ST3GAL3: variants seen among roughly 807,000 people sequenced by gnomAD.
ST3GAL3 encodes CMP-N-acetylneuraminate-beta-1,4-galactoside alpha-2,3-sialyltransferase.
In ST3GAL3, 21 loss-of-function variants were observed where a neutral mutation model predicts 50.1. The observed-to-expected ratio is 0.42, with a 90% confidence interval of 0.30 to 0.60. The LOEUF (loss-of-function observed/expected upper bound fraction) is 0.60. Among genes scored for constraint, ST3GAL3 ranks in the 20% least tolerant of loss-of-function variants. ST3GAL3 has a pLI of 0.19. For synonymous variants in ST3GAL3, 183 were observed against 190.0 expected (o/e 0.96, Z 0.30); for missense variants, 353 against 489.4 (o/e 0.72, Z 2.63).
chr1:43,851,694 G>C lies in ST3GAL3; in HGVS notation c.302+13383G>C. ...AGCATCTTGTCATGTGAGGACCACA[G>C]GTCAGCATCCTTGTGGGCCCTGTTG... On this transcript the variant is annotated intron_variant, in intron 5 of 11. Coordinates refer to ENST00000347631, the MANE Select transcript of ST3GAL3 (RefSeq NM_006279.5). 4 of 1,321,120 alleles carry C rather than the reference G, an allele frequency of 3.0e-6. No homozygotes were observed. The South Asian group carries it at 4.9e-5, about 16-fold the overall frequency. 81.8% of individuals were successfully genotyped at this position (1,321,120 alleles called of 1,614,324 possible).
intron 2 of ST3GAL3, among the ~76,000 whole-genome samples, chr1:43,770,331 A>C (rs750226857): frequency 3.9e-5 from 6 of 151,918 alleles, no homozygotes; most frequent in Non-Finnish European, 8.8e-5. Flanking sequence ...GACGGGCCTC[A>C]AGTTTTTAGC....
intron 2 of ST3GAL3, among the ~76,000 whole-genome samples, chr1:43,781,575 C>T (rs1226507816): frequency 2.0e-5 from 3 of 150,050 alleles, no homozygotes; most frequent in Admixed American, 6.6e-5. Flanking sequence ...CACGACACTG[C>T]ACTCCAGCCT....
chr1:43,756,867 G>A (rs1373763534), intron 2 of ST3GAL3, among the ~76,000 whole-genome samples: 1 of 152,132 alleles, frequency 6.6e-6, no homozygotes. Context: ...ATGTTCATGG[G>A]TCAGAAGACC....
At chr1:43,818,422 C>G (rs2061679593) in intron 4 of ST3GAL3, among the ~76,000 whole-genome samples, 1 of 152,158 alleles carries the variant, frequency 6.6e-6, no homozygotes, top group South Asian at 2.1e-4. Context: ...TTAAGGTATT[C>G]CAGACTGGCA....
At chr1:43,799,321 CTTATT>C (rs1190718961) in intron 3 of ST3GAL3, among the ~76,000 whole-genome samples, 4 of 152,100 alleles carry the variant, frequency 2.6e-5, no homozygotes, top group African/African-American at 4.8e-5. Context: ...AGAGCTCTCT[CTTATT>C]TTGTTTAATA....
chr1:43,824,281 C>T (rs945367172), intron 4 of ST3GAL3, among the ~76,000 whole-genome samples: 15 of 151,898 alleles, frequency 9.9e-5, no homozygotes, highest in African/African-American at 3.6e-4. Context: ...CTGACTTTCC[C>T]CATCTCCTGG....
chr1:43,905,912 C>T (rs2079445858), intron 9 of ST3GAL3, among the ~76,000 whole-genome samples: 1 of 124,530 alleles, frequency 8.0e-6, no homozygotes, highest in Non-Finnish European at 1.7e-5. Context: ...TCCTCCTGTT[C>T]CTCTTCCCAC....
At chr1:43,759,858 C>T (rs777161149) in intron 2 of ST3GAL3, among the ~76,000 whole-genome samples, 7 of 152,104 alleles carry the variant, frequency 4.6e-5, no homozygotes, top group African/African-American at 1.2e-4. Context: ...TTTGGATATG[C>T]GTTGTTTCAC....
intron 9 of ST3GAL3, among the ~76,000 whole-genome samples, chr1:43,902,194 C>G (rs2078401043): frequency 6.6e-6 from 1 of 152,232 alleles, no homozygotes; most frequent in Non-Finnish European, 1.5e-5. Context: ...CATACAGCCT[C>G]TGGGCTTCTG....
At chr1:43,773,253 A>G (rs1695986353) in intron 2 of ST3GAL3, among the ~76,000 whole-genome samples, 1 of 152,084 alleles carries the variant, frequency 6.6e-6, no homozygotes, top group South Asian at 2.1e-4. Context: ...TTGGCTCCTG[A>G]TTGACATCCT....
chr1:43,891,462 G>A (rs2076674565), intron 5 of ST3GAL3, among the ~76,000 whole-genome samples: 1 of 152,160 alleles, frequency 6.6e-6, no homozygotes, highest in Non-Finnish European at 1.5e-5. Flanking sequence ...CCAGCTACTC[G>A]GGAGGCTGAG....
chr1:43,730,621 G>A (rs1351587258), intron 1 of ST3GAL3, among the ~76,000 whole-genome samples: 1 of 148,952 alleles, frequency 6.7e-6, no homozygotes, highest in African/African-American at 2.5e-5. Flanking sequence ...CCCAGGCGGG[G>A]GTGTAGTGAT....
chr1:43,744,687 TA>T (rs1468473194), intron 2 of ST3GAL3, among the ~76,000 whole-genome samples: 119 of 135,414 alleles, frequency 8.8e-4, no homozygotes, highest in South Asian at 3.7e-3. Context: ...AATAAATAAA[TA>T]AAATAAAATA....
chr1:43,774,546 CG>C (rs2154135874), intron 2 of ST3GAL3, among the ~76,000 whole-genome samples: 1 of 152,188 alleles, frequency 6.6e-6, no homozygotes, highest in South Asian at 2.1e-4. Flanking sequence ...CAAGGCCAAG[CG>C]TGGGCAAGCC....
intron 4 of ST3GAL3, among the ~76,000 whole-genome samples, chr1:43,829,254 G>A (rs562842144): frequency 6.6e-6 from 1 of 151,910 alleles, no homozygotes; most frequent in Non-Finnish European, 1.5e-5. Flanking sequence ...TTATTTCTTT[G>A]TTCATAAAAT....
intron 2 of ST3GAL3, among the ~76,000 whole-genome samples, chr1:43,747,140 T>A (rs1235898636): frequency 6.6e-6 from 1 of 151,974 alleles, no homozygotes; most frequent in African/African-American, 2.4e-5. Flanking sequence ...CCGGGCACAG[T>A]GGCTCACGCC....
At chr1:43,881,626 C>A (rs1018898047) in intron 5 of ST3GAL3, among the ~76,000 whole-genome samples, 2 of 152,224 alleles carry the variant, frequency 1.3e-5, no homozygotes, top group Admixed American at 6.5e-5. Context: ...CAGGCACTGC[C>A]CCCTTGAGGG....
intron 1 of ST3GAL3, chr1:43,716,695 G>A (rs926582387): frequency 3.3e-5 from 5 of 152,204 alleles, no homozygotes; most frequent in Admixed American, 2.6e-4. Flanking sequence ...ACTTCCTGAG[G>A]AGTCTTCCTG....
At chr1:43,741,937 G>A (rs1214822236) in intron 2 of ST3GAL3, among the ~76,000 whole-genome samples, 1 of 152,190 alleles carries the variant, frequency 6.6e-6, no homozygotes, top group Non-Finnish European at 1.5e-5. Flanking sequence ...CAGAGTTTGG[G>A]CAGCTGAAGC....
Sources: gnomAD v4.1 joint callset for allele counts (sites outside exome capture counted in the v4.1 genomes callset) on GRCh38, gnomAD v4.1.1 for gene constraint, MANE v1.5 for transcripts, NCBI Gene and HGNC (gene_info 2026-07-23, HGNC 2026-07-21) for gene names.